NUP210L: variants seen among roughly 807,000 people sequenced by gnomAD.
The protein encoded by NUP210L is nucleoporin 210 like.
A neutral mutation model predicts 208.5 loss-of-function variants in NUP210L; 74 were observed. That is an observed-to-expected ratio of 0.35 (90% confidence interval 0.29 to 0.43). The LOEUF (loss-of-function observed/expected upper bound fraction) is 0.43, where lower values mean the gene tolerates loss of function less well. Among genes scored for constraint, NUP210L ranks in the 20% least tolerant of loss-of-function variants. The pLI is 1.00. For missense variants in NUP210L, 1,843 were observed against 2,289.4 expected, an observed-to-expected ratio of 0.81 and a Z score of 3.98; for synonymous variants, 780 against 816.9, an observed-to-expected ratio of 0.95 and a Z score of 0.77.
intron 22 of NUP210L, among the ~76,000 whole-genome samples, chr1:154,057,689 A>AGTGTGT (rs1333676264): frequency 2.8e-5 from 2 of 70,346 alleles, no homozygotes; most frequent in African/African-American, 3.9e-5. Flanking sequence ...GAGGACCTCG[A>AGTGTGT]ATGTGTGTGT....
intron 1 of NUP210L, among the ~76,000 whole-genome samples, chr1:154,154,302 G>A (rs1434732519): frequency 6.6e-6 from 1 of 152,152 alleles, no homozygotes; most frequent in Non-Finnish European, 1.5e-5. Flanking sequence ...TGCAAAAAGC[G>A]AATGAGTTAA....
chr1:154,038,739 G>C (rs1465269412), intron 27 of NUP210L, among the ~76,000 whole-genome samples: 1 of 152,148 alleles, frequency 6.6e-6, no homozygotes, highest in Non-Finnish European at 1.5e-5. Flanking sequence ...GGGATTATAG[G>C]TGTGAGCCAA....
At chr1:154,043,627 C>A (rs1037401038) in intron 27 of NUP210L, among the ~76,000 whole-genome samples, 1 of 138,638 alleles carries the variant, frequency 7.2e-6, no homozygotes, top group East Asian at 2.1e-4. Context: ...CTGCACCCGG[C>A]CTTTTTTTTT....
At position 154,025,647 on chromosome 1, in the gene NUP210L, ATCC is replaced by A. The variant is rs1401893544; in HGVS notation, c.4014_4016del (p.Glu1338del). On this transcript the variant is annotated inframe_deletion, in exon 30 of 40. Transcript: ENST00000368559. ...AACCAGCTTTCAGGAGCCCTTCACC[ATCC>A]TCCTCAATGACGGATGAATTAGGGA... 3.7e-6 allele frequency: 6 copies of A among 1,613,782 alleles called. No individual in the cohort carries two copies. The African/African-American group carries it at 8.0e-5, about 22-fold the overall frequency.
In NUP210L at chr1:154,110,586, C is replaced by G. The variant is rs1355668859; in HGVS notation, c.1621-6376G>C. Among the ~76,000 whole-genome samples the G allele has an allele frequency of 3.3e-5, 5 of 151,392 alleles. 1 individual carries two copies. The highest frequency in any genetic ancestry group is 1.2e-4 in the African/African-American group (5 of 40,808). On this transcript the variant is annotated intron_variant, in intron 12 of 39. Transcript: ENST00000368559. ...CACCCAGCCGAAGTATCTTAAAGAA[C>G]TGGAAAAGTTGGCTGGACACAGTGG...
chr1:154,096,878 T>C (rs368716864), intron 14 of NUP210L, among the ~76,000 whole-genome samples: 116 of 152,200 alleles, frequency 7.6e-4, no homozygotes, highest in African/African-American at 2.2e-3. Context: ...CCCAGGAATT[T>C]GAGACCAGCC....
In NUP210L at chr1:154,022,352, A is replaced by T; in HGVS notation, c.4299-9T>A. 6.2e-7 allele frequency: 1 copy of T among 1,602,278 alleles called. No homozygotes were observed. Among genetic ancestry groups the T allele is most frequent in the Non-Finnish European group, 8.6e-7 (1 of 1,169,144 alleles). ...TATGCAGCAAGTCATCTCTGCAAGT[A>T]GACATTAAAGGTAGAAATCTTTAAA... On this transcript the variant is annotated splice_polypyrimidine_tract_variant and intron_variant, in intron 31 of 39. Transcript: ENST00000368559.
chr1:154,141,604 C>A, intron 3 of NUP210L, 80 bp from the exon 4 acceptor site: 2 of 830,484 alleles, frequency 2.4e-6, no homozygotes, highest in Non-Finnish European at 4.1e-6. Context: ...AAAGGGAAAC[C>A]TAACTAGAAA....
At chr1:154,137,552 A>C in intron 6 of NUP210L, among the ~76,000 whole-genome samples, 1 of 276 alleles carries the variant, frequency 3.6e-3, no homozygotes, top group Non-Finnish European at 0.25. Context: ...CTACATCTAG[A>C]AAAAAAAAAA....
intron 8 of NUP210L, 110 bp from the exon 9 acceptor site, chr1:154,127,527 G>A (rs952617079): frequency 5.2e-6 from 2 of 386,280 alleles, no homozygotes; most frequent in South Asian, 1.0e-4. Context: ...TTTACTAATA[G>A]ATGGAGATGG....
At position 154,114,996 on chromosome 1, in the gene NUP210L, T is replaced by C. The variant is rs553752210; in HGVS notation, c.1620+2729A>G. On this transcript the variant is annotated intron_variant, in intron 12 of 39. Coordinates refer to ENST00000368559, the Ensembl canonical transcript of NUP210L. The stretch of plus-strand genomic sequence containing the variant: ...CTCTTCCCTGCTCAATCAAATCGGA[T>C]TGATTTACCTGTTAAAAAAGATTAT... Among the ~76,000 whole-genome samples the C allele has an allele frequency of 4.6e-5, 7 of 152,280 alleles. No homozygotes were observed. The South Asian group carries it at 1.5e-3, about 32-fold the overall frequency.
At chr1:154,080,359 CAA>C (rs1377653117) in intron 16 of NUP210L, among the ~76,000 whole-genome samples, 17 of 129,002 alleles carry the variant, frequency 1.3e-4, no homozygotes, top group Non-Finnish European at 1.3e-4. Context: ...GACTCCATCT[CAA>C]AAAAAAAAAA....
chr1:154,061,109 G>T, intron 18 of NUP210L, 63 bp from the exon 19 acceptor site: 1 of 1,182,574 alleles, frequency 8.5e-7, no homozygotes, highest in Non-Finnish European at 1.3e-6. Flanking sequence ...CGCCCACGGT[G>T]GCTTACGCTT....
At chr1:153,994,904 C>T (rs541957149) in intron 38 of NUP210L, among the ~76,000 whole-genome samples, 172 bp downstream of exon 38, 78 of 150,470 alleles carry the variant, frequency 5.2e-4, no homozygotes, top group African/African-American at 9.7e-4. Context: ...CCCAGCTACT[C>T]GGGAGGCTGA....
At chr1:154,065,892 C>CAAAAAA (rs58053478) in intron 17 of NUP210L, among the ~76,000 whole-genome samples, 76 of 61,102 alleles carry the variant, frequency 1.2e-3, no homozygotes, top group Non-Finnish European at 1.6e-3. Flanking sequence ...GACTCTGTCT[C>CAAAAAA]AAAAAAAAAA....
At chr1:154,054,108 G>T in intron 25 of NUP210L, 120 bp downstream of exon 25, 1 of 907,616 alleles carries the variant, frequency 1.1e-6, no homozygotes, top group Non-Finnish European at 1.7e-6. Flanking sequence ...TGCCAGGTAG[G>T]GGCACTCTAA....
At chr1:154,141,012 A>G (rs995901329) in intron 4 of NUP210L, among the ~76,000 whole-genome samples, 5 of 151,874 alleles carry the variant, frequency 3.3e-5, no homozygotes, top group Admixed American at 1.3e-4. Flanking sequence ...AAAAAAAAAA[A>G]AAAGAAAGGG....
chr1:154,091,086 A>G (rs1055083283), intron 15 of NUP210L, among the ~76,000 whole-genome samples: 6 of 145,896 alleles, frequency 4.1e-5, no homozygotes, highest in Non-Finnish European at 9.1e-5. Flanking sequence ...TATTATTATT[A>G]TTATTATTAT....
chr1:154,036,350 GTGTGTGTGTGTA>G (rs1433794280), intron 27 of NUP210L, among the ~76,000 whole-genome samples: 59 of 120,014 alleles, frequency 4.9e-4, no homozygotes, highest in African/African-American at 1.6e-3. Flanking sequence ...GTGTGTGTGT[GTGTGTGTGTGTA>G]TAACTTTTTT....
Sources: gnomAD v4.1 joint callset for allele counts (sites outside exome capture counted in the v4.1 genomes callset) on GRCh38, gnomAD v4.1.1 for gene constraint, MANE v1.5 for transcripts, NCBI Gene and HGNC (gene_info 2026-07-23, HGNC 2026-07-21) for gene names.